The following MAP3K15 variants were observed in gnomAD, a reference collection of about 807,000 sequenced individuals.
MAP3K15 encodes the protein MAPK/ERK kinase kinase 15.
In MAP3K15, 124 loss-of-function variants were observed where a neutral mutation model predicts 99.5. That is an observed-to-expected ratio of 1.25 (90% CI 1.08 to 1.45). The LOEUF (loss-of-function observed/expected upper bound fraction) is 1.45. MAP3K15 is among the 40% of genes most tolerant of loss of function. MAP3K15 has a pLI of 0.00. For missense variants in MAP3K15, 1,242 were observed against 1,079.7 expected (o/e 1.15, Z -2.11); for synonymous variants, 494 against 439.6 (o/e 1.12, Z -1.55).
chrX:19,440,117 T>C (rs1420218591), intron 6 of MAP3K15, among the ~76,000 whole-genome samples: 1 of 111,624 alleles, frequency 9.0e-6, no homozygotes, highest in Non-Finnish European at 1.9e-5. Context: ...TGGCTCACGA[T>C]TGTTCCAGGT....
chrX:19,502,584 C>T (rs1350948443), intron 1 of MAP3K15, among the ~76,000 whole-genome samples: 1 of 111,875 alleles, frequency 8.9e-6, no homozygotes, highest in African/African-American at 3.3e-5. Flanking sequence ...TTTGGGGGGC[C>T]ATGGCAGGTG....
In MAP3K15 at chrX:19,392,436, C is replaced by T. The variant is rs369238827; in HGVS notation, c.2232G>A (p.Pro744=). 1.5e-5 allele frequency: 18 copies of T among 1,208,644 alleles called. No individual in the cohort carries two copies. Among genetic ancestry groups the T allele is most frequent in the African/African-American group, 7.0e-5 (4 of 57,061 alleles). The change falls in exon 17 of 29, where the codon CCG becomes CCA. Residue 744 remains proline, a synonymous_variant. Coordinates refer to ENST00000338883, the MANE Select transcript of MAP3K15 (RefSeq NM_001001671.4). ...AAAACTTGATTGTCGGTTCCTTCATCGGCCCCCATTTGGATCGCAGAAGAG... is the reference window on the plus strand; with the variant it reads ...AAAACTTGATTGTCGGTTCCTTCATTGGCCCCCATTTGGATCGCAGAAGAG... The part of the protein sequence containing the change: ...LSALLRSKWG[P]MKEPTIKFYT...
chrX:19,476,108 G>A (rs1467115642), intron 3 of MAP3K15, among the ~76,000 whole-genome samples: 1 of 112,321 alleles, frequency 8.9e-6, no homozygotes. Flanking sequence ...TTCATAATGA[G>A]ACTTGTGGCT....
chrX:19,397,085 A>G (rs1446659616), intron 15 of MAP3K15, among the ~76,000 whole-genome samples: 1 of 109,528 alleles, frequency 9.1e-6, no homozygotes, highest in Non-Finnish European at 1.9e-5. Flanking sequence ...TGTATTTTTA[A>G]CAGAGACGAG....
intron 3 of MAP3K15, among the ~76,000 whole-genome samples, chrX:19,469,541 T>C (rs2064192411): frequency 9.1e-6 from 1 of 110,398 alleles, no homozygotes; most frequent in African/African-American, 3.3e-5. Flanking sequence ...AAAGCCAAAA[T>C]TGACAAATGG....
rs2064121121 is a variant in MAP3K15, at chrX:19,460,065, T to G, written c.808A>C (p.Ile270Leu). Residue 270 changes from isoleucine (I) to leucine (L), a missense_variant, in exon 5 of 29, where the codon ATC becomes CTC. Physicochemically the swap from Ile to Leu is conservative, Grantham distance 5. Transcript: ENST00000338883. ...GEELAKELAR[I>L]KLRMDNTEVL... ...TCAGTATTATCCATGCGGAGCTTGA[T>G]CCGAGCTAGCTCCTTCGCCAGTTCC... The G allele has an allele frequency of 2.2e-5, 26 of 1,194,940 alleles. No individual in the cohort carries two copies. Among genetic ancestry groups the G allele is most frequent in the Non-Finnish European group, 2.9e-5 (26 of 892,545 alleles).
At chrX:19,384,908 T>C (rs1391682448) in intron 18 of MAP3K15, among the ~76,000 whole-genome samples, 2 of 110,792 alleles carry the variant, frequency 1.8e-5, no homozygotes, top group Non-Finnish European at 3.8e-5. Context: ...TGTATCAAAA[T>C]AGTCTATATA....
chrX:19,474,177 G>A (rs1436245104), intron 3 of MAP3K15, among the ~76,000 whole-genome samples: 2 of 111,916 alleles, frequency 1.8e-5, no homozygotes, highest in African/African-American at 3.2e-5. Flanking sequence ...TAATTTATTC[G>A]TCCTCTCAGC....
Position 19,361,416 on chromosome X carries a change from C to G in MAP3K15, c.3781-1G>C. On this transcript the variant is annotated splice_acceptor_variant, in intron 27 of 28. Transcript: ENST00000338883. LOFTEE classifies it high-confidence loss of function. ...AAAGTGTATAACCCTCTTCAACAAT[C>G]TGAAACAAAGATCAGATCCTTAAGA... The G allele has an allele frequency of 8.3e-7, 1 of 1,206,009 alleles. No homozygotes were observed. Among genetic ancestry groups the G allele is most frequent in the Non-Finnish European group, 1.1e-6 (1 of 890,436 alleles).
chrX:19,497,160 A>G (rs1324097659), intron 1 of MAP3K15: 1 of 100,347 alleles, frequency 1.0e-5, no homozygotes, highest in Non-Finnish European at 2.0e-5. Flanking sequence ...AGGATAGATA[A>G]TACTTTTTTT....
chrX:19,390,669 C>T lies in MAP3K15; in HGVS notation c.2431+1333G>A, dbSNP rs2063521610. ...TCAAGTGAGATCCTCCTGCCTCAAT[C>T]TCCCAAAGTGCCCAGCCTATGAAAG... On this transcript the variant is annotated intron_variant, in intron 18 of 28. Coordinates refer to ENST00000338883, the MANE Select transcript of MAP3K15 (RefSeq NM_001001671.4). Among the ~76,000 whole-genome samples the T allele has an allele frequency of 3.8e-5, 4 of 106,433 alleles. No homozygotes were observed. In the South Asian group the frequency reaches 1.6e-3, roughly 44 times the overall value. 92.4% of individuals were successfully genotyped at this position (106,433 alleles called of 115,157 possible).
At position 19,373,623 on chromosome X, in the gene MAP3K15, C is replaced by G; in HGVS notation, c.2846G>C (p.Gly949Ala). 2 of 1,196,363 alleles carry G rather than the reference C, an allele frequency of 1.7e-6. No individual in the cohort carries two copies. The highest frequency in any genetic ancestry group is 2.2e-6 in the Non-Finnish European group (2 of 889,542). The change falls in exon 21 of 29, where the codon GGC (glycine) becomes GCC (alanine). Residue 949 changes from glycine to alanine, a missense_variant. Transcript: ENST00000338883. ...EPMATSSSEH[G>A]SVSPDSDAQP... ...GGCGTCGGAGTCTGGGGAGACAGAG[C>G]CGTGCTCGCTGCTGCTGGTGGCCAT...
At chrX:19,419,755 T>C (rs773280354) in intron 9 of MAP3K15, among the ~76,000 whole-genome samples, 1 of 111,706 alleles carries the variant, frequency 9.0e-6, no homozygotes, top group East Asian at 2.8e-4. Flanking sequence ...AGCACCACAC[T>C]GCACTTATTT....
chrX:19,370,957 A>C lies in MAP3K15; in HGVS notation c.3400+2T>G. The C allele has an allele frequency of 8.4e-7, 1 of 1,185,692 alleles. No individual in the cohort carries two copies. The highest frequency in any genetic ancestry group is 1.1e-6 in the Non-Finnish European group (1 of 881,219). On this transcript the variant is annotated splice_donor_variant, in intron 24 of 28. Transcript: ENST00000338883. LOFTEE classifies it high-confidence loss of function. ...GACCTTGACCACAAAGGGGGCGCTC[A>C]CCTGGGATGAGAATGGTGACCGCGG... is the stretch of plus-strand genomic sequence containing the variant.
At chrX:19,437,083 C>A (rs1309647863) in intron 6 of MAP3K15, among the ~76,000 whole-genome samples, 1 of 111,905 alleles carries the variant, frequency 8.9e-6, no homozygotes, top group Non-Finnish European at 1.9e-5. Flanking sequence ...AAAAACTTTG[C>A]AGTCATGTTT....
chrX:19,472,960 G>A (rs896867212), intron 3 of MAP3K15, among the ~76,000 whole-genome samples: 5 of 112,085 alleles, frequency 4.5e-5, no homozygotes, highest in Non-Finnish European at 9.4e-5. Context: ...CAAGTTCTTT[G>A]GTGAAAAAGA....
chrX:19,375,145 G>T (rs1240071413), intron 19 of MAP3K15, among the ~76,000 whole-genome samples: 1 of 112,452 alleles, frequency 8.9e-6, no homozygotes, highest in Non-Finnish European at 1.9e-5. Context: ...GCTCAAAGAG[G>T]CATGAGAAAA....
chrX:19,472,625 C>A (rs754433615), intron 3 of MAP3K15, among the ~76,000 whole-genome samples: 1 of 111,618 alleles, frequency 9.0e-6, no homozygotes, highest in South Asian at 3.8e-4. Context: ...ATATAACTCT[C>A]TCTCTCCCCC....
chrX:19,438,136 T>C (rs750104425), intron 6 of MAP3K15, among the ~76,000 whole-genome samples: 142 of 111,937 alleles, frequency 1.3e-3, no homozygotes, highest in African/African-American at 4.2e-3. Context: ...AGGCAGGGTC[T>C]TGCTCTGTTG....
Sources: gnomAD v4.1 joint callset for allele counts (sites outside exome capture counted in the v4.1 genomes callset) on GRCh38, gnomAD v4.1.1 for gene constraint, MANE v1.5 for transcripts, NCBI Gene and HGNC (gene_info 2026-07-23, HGNC 2026-07-21) for gene names.